Variants in DNAL4 observed in about 807,000 individuals in gnomAD.
DNAL4 encodes dynein axonemal light chain 4, also known as dynein light chain, outer arm 4.
In DNAL4, 10 loss-of-function variants were observed where a neutral mutation model predicts 12.6. That is an observed-to-expected ratio of 0.79 (90% CI 0.49 to 1.34). DNAL4 has a LOEUF of 1.34. Among genes scored for constraint, DNAL4 ranks in the 40% most tolerant of loss-of-function variants. DNAL4 has a pLI of 0.00. For synonymous variants in DNAL4, 46 were observed against 53.1 expected (o/e 0.87, Z 0.58); for missense variants, 128 against 138.1 (o/e 0.93, Z 0.37).
At chr22:38,785,953 GACTACAAAGAGCTTTTTCTAACC>G (rs977646063) in intron 1 of DNAL4, 3 of 152,220 alleles carry the variant, frequency 2.0e-5, no homozygotes, top group Non-Finnish European at 4.4e-5. Flanking sequence ...TAAGGGCCCT[GACTACAAAGAGCTTTTTCTAACC>G]ACTACACATA....
intron 1 of DNAL4, among the ~76,000 whole-genome samples, chr22:38,792,420 T>C (rs1307090252): frequency 6.6e-6 from 1 of 152,140 alleles, no homozygotes. Flanking sequence ...GTAGCTGGGA[T>C]TACAGGTGCC....
At chr22:38,792,286 A>AT (rs2093051856) in intron 1 of DNAL4, among the ~76,000 whole-genome samples, 1 of 69,590 alleles carries the variant, frequency 1.4e-5, no homozygotes, top group Admixed American at 1.9e-4. Context: ...TTTCTTTTTT[A>AT]CTTTTTTTTT....
At chr22:38,790,194 G>A (rs1265858759) in intron 1 of DNAL4, among the ~76,000 whole-genome samples, 1 of 152,170 alleles carries the variant, frequency 6.6e-6, no homozygotes, top group Non-Finnish European at 1.5e-5. Context: ...GAAGCCCTTT[G>A]GAGGTCTCTA....
chr22:38,783,004 G>A, intron 1 of DNAL4, 134 bp from the exon 2 acceptor site: 1 of 341,258 alleles, frequency 2.9e-6, no homozygotes, highest in Non-Finnish European at 5.3e-6. Context: ...TGGCCAGCAA[G>A]TCTGCAGACG....
chr22:38,779,233 C>T lies in DNAL4; in HGVS notation c.*216G>A, dbSNP rs1407963293. 1.1e-5 allele frequency: 6 copies of T among 567,264 alleles called. No homozygotes were observed. The highest frequency in any genetic ancestry group is 3.1e-5 in the East Asian group (1 of 32,590). The allele number at this position is 567,264 out of a possible 1,614,324, so 35.1% of individuals were successfully genotyped here. Reference sequence around the variant, plus strand: ...CCACACAGACCCATGCCCGCTGCCCCGTCCACACCCTGAGACTCCGAGGGA... The same window carrying T: ...CCACACAGACCCATGCCCGCTGCCCTGTCCACACCCTGAGACTCCGAGGGA... On this transcript the variant is annotated 3_prime_UTR_variant, in exon 4 of 4. Coordinates refer to ENST00000216068, the MANE Select transcript of DNAL4 (RefSeq NM_005740.3). This position sits in a 1 kb window ranked among gnomAD's most constrained non-coding sequence, Gnocchi z 4.3.
chr22:38,781,092 T>C, intron 2 of DNAL4, 83 bp from the exon 3 acceptor site: 2 of 1,507,518 alleles, frequency 1.3e-6, no homozygotes, highest in Non-Finnish European at 9.1e-7. Context: ...TGTCCCAAGC[T>C]TAAGGCATGG....
Position 38,778,933 on chromosome 22 carries a change from G to A in DNAL4, c.*516C>T, listed in dbSNP as rs1437863828. 1 of 152,548 alleles carries A rather than the reference G, an allele frequency of 6.6e-6. No homozygotes were observed. The highest frequency in any genetic ancestry group is 1.5e-5 in the Non-Finnish European group (1 of 68,270). 9.4% of individuals were successfully genotyped at this position (152,548 alleles called of 1,614,324 possible). On this transcript the variant is annotated 3_prime_UTR_variant, in exon 4 of 4. Transcript: ENST00000216068. ...TCAGCCTGGGGTCAAGTTGGGGGAAGGGGTTTCTGAGGGGTCAGCACCTCC... is the reference window on the plus strand; with the variant it reads ...TCAGCCTGGGGTCAAGTTGGGGGAAAGGGTTTCTGAGGGGTCAGCACCTCC...
chr22:38,780,949 C>A lies in DNAL4; in HGVS notation c.130G>T (p.Glu44Ter). The change falls in exon 3 of 4, where the codon GAG (glutamate) becomes TAG (stop). Residue 44 changes from glutamate (E) to a stop codon, truncating the protein, a stop_gained. Coordinates refer to ENST00000216068, the MANE Select transcript of DNAL4 (RefSeq NM_005740.3). LOFTEE classifies it high-confidence loss of function. ...ETMELCVTAC[E>*]KFSNNNESAA... is the part of the protein sequence containing the mutation. ...ACCTCGTTGTTGTTGGAGAATTTCT[C>A]ACAGGCTGTGACACATAGCTCCATG... The A allele has an allele frequency of 6.2e-7, 1 of 1,614,250 alleles. No individual in the cohort carries two copies. Among genetic ancestry groups the A allele is most frequent in the Non-Finnish European group, 8.5e-7 (1 of 1,180,036 alleles).
rs2093035837 is a variant in DNAL4, at chr22:38,782,536, G to A, written c.69+127C>T. ...ATCACTGTCAACTCCAAGATGTCTA[G>A]GTCTGAGCCAGCAGAGCCCTTCTTA... On this transcript the variant is annotated intron_variant, in intron 2 of 3. Coordinates refer to ENST00000216068, the MANE Select transcript of DNAL4 (RefSeq NM_005740.3). This position sits in a 1 kb window ranked among gnomAD's most constrained non-coding sequence, Gnocchi z 5.1. 1 of 873,036 alleles carries A rather than the reference G, an allele frequency of 1.1e-6. No individual in the cohort carries two copies. Among genetic ancestry groups the A allele is most frequent in the Non-Finnish European group, 1.8e-6 (1 of 556,986 alleles). The allele number at this position is 873,036 out of a possible 1,614,324, so 54.1% of individuals were successfully genotyped here.
At chr22:38,791,121 C>T (rs1278481171) in intron 1 of DNAL4, among the ~76,000 whole-genome samples, 1 of 150,094 alleles carries the variant, frequency 6.7e-6, no homozygotes, top group African/African-American at 2.5e-5. Flanking sequence ...GAGCAGAAAT[C>T]ACACCACTGC....
rs1468200641 is a variant in DNAL4 at position 38,779,595 on chromosome 22, T to C, written c.172A>G (p.Lys58Glu). 1.9e-6 allele frequency: 3 copies of C among 1,599,038 alleles called. No homozygotes were observed. The highest frequency in any genetic ancestry group is 1.7e-6 in the Non-Finnish European group (2 of 1,171,960). ...NNNESAAKMI[K>E]ETMDKKFGSS... ...CCGAACTTCTTGTCCATTGTCTCTT[T>C]GATCATCTTGGCGGCGCTCTGGAAG... The change falls in exon 4 of 4, where the codon AAA (lysine) becomes GAA (glutamate). Residue 58 changes from lysine to glutamate, a missense_variant. Transcript: ENST00000216068. The surrounding 1 kb of genome is among the most constrained non-coding windows in gnomAD (Gnocchi z 4.3).
chr22:38,792,053 A>C (rs1263343050), intron 1 of DNAL4, among the ~76,000 whole-genome samples: 1 of 152,120 alleles, frequency 6.6e-6, no homozygotes, highest in Non-Finnish European at 1.5e-5. Context: ...ACGTAAATTT[A>C]GGCTGCACTA....
chr22:38,791,762 C>T (rs2093050930), intron 1 of DNAL4, among the ~76,000 whole-genome samples: 1 of 151,942 alleles, frequency 6.6e-6, no homozygotes, highest in Admixed American at 6.6e-5. Context: ...GTGATCTCAG[C>T]TCAATGCAAC....
In DNAL4 at chr22:38,782,580, C is replaced by A; in HGVS notation, c.69+83G>T. 6.9e-7 allele frequency: 1 copy of A among 1,445,706 alleles called. No individual in the cohort carries two copies. The highest frequency in any genetic ancestry group is 9.6e-7 in the Non-Finnish European group (1 of 1,046,474). 89.6% of individuals were successfully genotyped at this position (1,445,706 alleles called of 1,614,324 possible). ...CTTCTTAACTTCCTCCCACTGCCAT[C>A]CTGCAAGGGACAAGCTCCACCCACC... On this transcript the variant is annotated intron_variant, in intron 2 of 3. Transcript: ENST00000216068. This position sits in a 1 kb window ranked among gnomAD's most constrained non-coding sequence, Gnocchi z 5.1.
At position 38,782,630 on chromosome 22, in the gene DNAL4, C is replaced by A. The variant is rs765194725; in HGVS notation, c.69+33G>T. The A allele has an allele frequency of 2.0e-5, 32 of 1,609,540 alleles. No homozygotes were observed. Among genetic ancestry groups the A allele is most frequent in the Non-Finnish European group, 2.7e-5 (32 of 1,177,804 alleles). On this transcript the variant is annotated intron_variant, in intron 2 of 3. Transcript: ENST00000216068. This position sits in a 1 kb window ranked among gnomAD's most constrained non-coding sequence, Gnocchi z 5.1. ...CTCTCTCCAGGCTGTGTGGGCCCTG[C>A]CGGCAGTCCTGCCTCCCTCCCCTGG...
Position 38,782,766 on chromosome 22 carries a change from G to C in DNAL4, c.-35C>G. 1 of 1,586,422 alleles carries C rather than the reference G, an allele frequency of 6.3e-7. No individual in the cohort carries two copies. Among genetic ancestry groups the C allele is most frequent in the Non-Finnish European group, 8.6e-7 (1 of 1,167,468 alleles). ...ACTGTGACCACTGGAGGAGAGTGGGGCTTTCAGGAGGTGCTGGGACTGGCA... is the reference window on the plus strand; with the variant it reads ...ACTGTGACCACTGGAGGAGAGTGGGCCTTTCAGGAGGTGCTGGGACTGGCA... On this transcript the variant is annotated 5_prime_UTR_variant, in exon 2 of 4. Coordinates refer to ENST00000216068, the MANE Select transcript of DNAL4 (RefSeq NM_005740.3). This position sits in a 1 kb window ranked among gnomAD's most constrained non-coding sequence, Gnocchi z 5.1.
intron 1 of DNAL4, among the ~76,000 whole-genome samples, chr22:38,789,478 G>A (rs1942024781): frequency 6.6e-6 from 1 of 152,130 alleles, no homozygotes; most frequent in African/African-American, 2.4e-5. Flanking sequence ...GTTTTGCCAT[G>A]TTGCCCAGGC....
intron 3 of DNAL4, 137 bp downstream of exon 3, chr22:38,780,789 G>T: frequency 1.2e-6 from 1 of 837,686 alleles, no homozygotes; most frequent in Non-Finnish European, 1.9e-6. Context: ...ACTTTCCCCA[G>T]ACTGAATGCT....
rs1292441638 is a variant in DNAL4 at position 38,782,576 on chromosome 22, C to G, written c.69+87G>C. The G allele has an allele frequency of 1.4e-6, 2 of 1,393,954 alleles. No individual in the cohort carries two copies. The highest frequency in any genetic ancestry group is 1.0e-6 in the Non-Finnish European group (1 of 1,001,538). The allele number at this position is 1,393,954 out of a possible 1,614,324, so 86.3% of individuals were successfully genotyped here. On this transcript the variant is annotated intron_variant, in intron 2 of 3. Transcript: ENST00000216068. This position sits in a 1 kb window ranked among gnomAD's most constrained non-coding sequence, Gnocchi z 5.1. Reference sequence around the variant, plus strand: ...AGCCCTTCTTAACTTCCTCCCACTGCCATCCTGCAAGGGACAAGCTCCACC... The same window carrying G: ...AGCCCTTCTTAACTTCCTCCCACTGGCATCCTGCAAGGGACAAGCTCCACC...
Sources: gnomAD v4.1 joint callset for allele counts (sites outside exome capture counted in the v4.1 genomes callset) on GRCh38, gnomAD v4.1.1 for gene constraint, Gnocchi (gnomAD v3.1) non-coding constraint, MANE v1.5 for transcripts, NCBI Gene and HGNC (gene_info 2026-07-23, HGNC 2026-07-21) for gene names.